Variants in PCSK6 observed in about 807,000 individuals in gnomAD.
The protein encoded by PCSK6 is paired basic amino acid cleaving enzyme 4.
Under a neutral mutation model 123.3 loss-of-function variants are expected in PCSK6, and 85 were observed. The ratio of observed to expected loss-of-function variants is 0.69; its 90% CI spans 0.58 to 0.83. The LOEUF (loss-of-function observed/expected upper bound fraction) is 0.83, where lower values mean the gene tolerates loss of function less well. PCSK6 is among the 40% of genes least tolerant of loss of function. The probability of loss-of-function intolerance (pLI) is 0.00; values close to 1 mark genes in which losing one functional copy is unlikely to be tolerated. For missense variants in PCSK6, 1,191 were observed against 1,282.3 expected (o/e 0.93, Z 1.09); for synonymous variants, 508 against 516.0 (o/e 0.98, Z 0.21).
chr15:101,392,248 G>T (rs1428176989), intron 8 of PCSK6, among the ~76,000 whole-genome samples: 1 of 152,164 alleles, frequency 6.6e-6, no homozygotes, highest in African/African-American at 2.4e-5. Context: ...TCCCAGGGGT[G>T]CGTACTCCAG....
At chr15:101,338,433 C>T (rs1292740342) in intron 13 of PCSK6, among the ~76,000 whole-genome samples, 3 of 152,136 alleles carry the variant, frequency 2.0e-5, no homozygotes, top group Non-Finnish European at 2.9e-5. Flanking sequence ...CAGTCACCCC[C>T]AAGAGGCCAC....
At chr15:101,428,859 G>T (rs545610754) in intron 5 of PCSK6, among the ~76,000 whole-genome samples, 5 of 152,190 alleles carry the variant, frequency 3.3e-5, no homozygotes, top group African/African-American at 1.2e-4. Context: ...TGGATGGCTC[G>T]GGATGGGATT....
At chr15:101,331,601 C>T (rs774899372) in intron 15 of PCSK6, 50 bp downstream of exon 15, 15 of 1,570,496 alleles carry the variant, frequency 9.6e-6, no homozygotes, top group Middle Eastern at 1.7e-4. Flanking sequence ...AGACCCTGCT[C>T]TCCCAGCTGG....
intron 13 of PCSK6, among the ~76,000 whole-genome samples, chr15:101,351,802 T>A (rs2040897289): frequency 6.6e-6 from 1 of 152,130 alleles, no homozygotes; most frequent in African/African-American, 2.4e-5. Flanking sequence ...AACAGCCAAA[T>A]AAACAGCCCT....
chr15:101,430,072 T>C lies in PCSK6; in HGVS notation c.658-9A>G, dbSNP rs777484404. 5 of 1,612,292 alleles carry C rather than the reference T, an allele frequency of 3.1e-6. No homozygotes were observed. In the East Asian group the frequency reaches 6.7e-5, roughly 22 times the overall value. ...TAGCTGGCGTAGGAATCCTAAGAAATGGAATCGTGGTGAGTGAGGAGAAAT... is the reference window on the plus strand; with the variant it reads ...TAGCTGGCGTAGGAATCCTAAGAAACGGAATCGTGGTGAGTGAGGAGAAAT... On this transcript the variant is annotated splice_polypyrimidine_tract_variant and intron_variant, in intron 4 of 21. Coordinates refer to ENST00000611716, the MANE Select transcript of PCSK6 (RefSeq NM_002570.5).
At chr15:101,446,597 G>A (rs935422233) in intron 1 of PCSK6, among the ~76,000 whole-genome samples, 1 of 152,152 alleles carries the variant, frequency 6.6e-6, no homozygotes, top group African/African-American at 2.4e-5. Context: ...TAGCAGAGCT[G>A]AGTGGTTGCA....
At chr15:101,322,261 C>A (rs1226684475) in intron 18 of PCSK6, among the ~76,000 whole-genome samples, 1 of 152,164 alleles carries the variant, frequency 6.6e-6, no homozygotes, top group African/African-American at 2.4e-5. Flanking sequence ...CTGGGCACAG[C>A]CCTGTGCTGT....
intron 6 of PCSK6, among the ~76,000 whole-genome samples, chr15:101,408,067 A>T (rs2042832392): frequency 6.6e-6 from 1 of 152,174 alleles, no homozygotes; most frequent in Admixed American, 6.5e-5. Context: ...CACACACAGG[A>T]AGCCAGTGAG....
chr15:101,383,224 C>T (rs528074197), intron 10 of PCSK6, among the ~76,000 whole-genome samples: 29 of 151,858 alleles, frequency 1.9e-4, no homozygotes, highest in South Asian at 4.2e-4. Flanking sequence ...CTGGGCAACA[C>T]GGTGAAACCC....
intron 1 of PCSK6, among the ~76,000 whole-genome samples, chr15:101,484,898 A>C (rs1384524351): frequency 6.6e-6 from 1 of 152,140 alleles, no homozygotes; most frequent in East Asian, 1.9e-4. Context: ...GTTTTCCTTC[A>C]TTTAAAAAAA....
intron 13 of PCSK6, among the ~76,000 whole-genome samples, chr15:101,350,438 G>A (rs1483064877): frequency 6.6e-6 from 1 of 152,172 alleles, no homozygotes; most frequent in Non-Finnish European, 1.5e-5. Flanking sequence ...GTGTCTGCCT[G>A]TGTATTAGAA....
At chr15:101,414,241 A>C (rs937060885) in intron 6 of PCSK6, among the ~76,000 whole-genome samples, 1 of 152,226 alleles carries the variant, frequency 6.6e-6, no homozygotes, top group African/African-American at 2.4e-5. Context: ...TCAAGGACTC[A>C]GAAAATTTAC....
chr15:101,403,312 C>T (rs995673310), intron 6 of PCSK6, among the ~76,000 whole-genome samples: 6 of 148,966 alleles, frequency 4.0e-5, no homozygotes, highest in East Asian at 2.0e-4. Flanking sequence ...AGGAGATATA[C>T]CTAATGCTAA....
intron 9 of PCSK6, among the ~76,000 whole-genome samples, chr15:101,388,754 G>C (rs2042142644): frequency 1.3e-5 from 2 of 152,294 alleles, no homozygotes; most frequent in Non-Finnish European, 2.9e-5. Flanking sequence ...CTACAAACGG[G>C]TGAACCTTAA....
At chr15:101,439,845 T>C (rs1386718485) in intron 2 of PCSK6, among the ~76,000 whole-genome samples, 4 of 152,176 alleles carry the variant, frequency 2.6e-5, no homozygotes, top group African/African-American at 7.2e-5. Flanking sequence ...AAATGAAGCA[T>C]TGAACCCAAG....
At chr15:101,425,170 G>C (rs1406602833) in intron 6 of PCSK6, among the ~76,000 whole-genome samples, 4 of 152,300 alleles carry the variant, frequency 2.6e-5, no homozygotes, top group Admixed American at 6.5e-5. Flanking sequence ...CGTGGGGCTG[G>C]GGTGAGCAGG....
chr15:101,453,635 A>G (rs1007123408), intron 1 of PCSK6, among the ~76,000 whole-genome samples: 2 of 152,108 alleles, frequency 1.3e-5, no homozygotes, highest in African/African-American at 4.8e-5. Context: ...TGTTACCACC[A>G]CTGTGTAGCC....
At chr15:101,390,573 G>T (rs1215588989) in intron 8 of PCSK6, among the ~76,000 whole-genome samples, 2 of 152,300 alleles carry the variant, frequency 1.3e-5, no homozygotes, top group East Asian at 3.9e-4. Context: ...ATTGAAGAGG[G>T]AGCTGAGGAG....
chr15:101,481,217 G>A lies in PCSK6; in HGVS notation c.297+8157C>T, dbSNP rs1212389589. Among the ~76,000 whole-genome samples the A allele has an allele frequency of 3.3e-5, 5 of 151,956 alleles. No individual in the cohort carries two copies. In the South Asian group the frequency reaches 8.3e-4, roughly 25 times the overall value. The stretch of plus-strand genomic sequence containing the variant: ...CAACGTCCAGGTGGCAGGGGGCCTG[G>A]GGGCCCAGACGAAGGGTACATCCGG... On this transcript the variant is annotated intron_variant, in intron 1 of 21. Coordinates refer to ENST00000611716, the MANE Select transcript of PCSK6 (RefSeq NM_002570.5).
Sources: allele counts gnomAD v4.1 joint callset (sites outside exome capture counted in the v4.1 genomes callset), GRCh38; gene constraint gnomAD v4.1.1; transcripts MANE v1.5; gene names NCBI Gene and HGNC (gene_info 2026-07-23, HGNC 2026-07-21).